SUGCT: variants seen among roughly 807,000 people sequenced by gnomAD.
SUGCT encodes the protein succinyl-CoA:glutarate CoA-transferase.
SUGCT carries 41 observed loss-of-function variants against 55.0 expected under a neutral mutation model. The observed-to-expected ratio is 0.74, with a 90% confidence interval of 0.58 to 0.97. The LOEUF (loss-of-function observed/expected upper bound fraction) is 0.97. Ranked by LOEUF, SUGCT falls within the 50% of genes least tolerant of loss-of-function variation. SUGCT has a pLI of 0.00. For missense variants in SUGCT, 568 were observed against 547.8 expected (o/e 1.04, Z -0.37); for synonymous variants, 187 against 200.4 (o/e 0.93, Z 0.56).
chr7:40,176,247 G>A (rs1784917948), intron 1 of SUGCT, among the ~76,000 whole-genome samples: 1 of 151,770 alleles, frequency 6.6e-6, no homozygotes, highest in Non-Finnish European at 1.5e-5. Context: ...AAAATTTAGT[G>A]AGTAGTCAAA....
At chr7:40,831,319 T>C (rs1264796660) in intron 13 of SUGCT, among the ~76,000 whole-genome samples, 1 of 152,178 alleles carries the variant, frequency 6.6e-6, no homozygotes, top group Non-Finnish European at 1.5e-5. Flanking sequence ...CACTTTCACC[T>C]TCTCCTCATT....
intron 9 of SUGCT, among the ~76,000 whole-genome samples, chr7:40,340,530 A>T (rs1315283328): frequency 6.6e-6 from 1 of 152,228 alleles, no homozygotes; most frequent in Non-Finnish European, 1.5e-5. Flanking sequence ...ATAGAAGGGC[A>T]GGGGAATACG....
chr7:40,753,693 T>G (rs1788125465), intron 13 of SUGCT, among the ~76,000 whole-genome samples: 1 of 152,208 alleles, frequency 6.6e-6, no homozygotes, highest in Non-Finnish European at 1.5e-5. Context: ...GTGATATTTA[T>G]AGAGCCTTCT....
At chr7:40,774,028 A>G (rs1051723036) in intron 13 of SUGCT, among the ~76,000 whole-genome samples, 1 of 152,224 alleles carries the variant, frequency 6.6e-6, no homozygotes, top group Admixed American at 6.5e-5. Context: ...TTATGAGGGC[A>G]AATACACTAC....
At chr7:40,443,959 G>A (rs1788664206) in intron 9 of SUGCT, among the ~76,000 whole-genome samples, 1 of 152,118 alleles carries the variant, frequency 6.6e-6, no homozygotes, top group Admixed American at 6.5e-5. Flanking sequence ...AGTTTTCCCA[G>A]CACCATTTAT....
At chr7:40,208,694 A>G (rs990832359) in intron 6 of SUGCT, among the ~76,000 whole-genome samples, 2 of 151,674 alleles carry the variant, frequency 1.3e-5, no homozygotes, top group African/African-American at 2.4e-5. Flanking sequence ...ACAGGTGCAC[A>G]CCGCCATGTC....
chr7:40,284,483 CT>C (rs1362826508), intron 8 of SUGCT, among the ~76,000 whole-genome samples: 1 of 151,786 alleles, frequency 6.6e-6, no homozygotes, highest in Non-Finnish European at 1.5e-5. Context: ...TGGCGGGCAC[CT>C]GTAATCCCAG....
chr7:40,340,539 C>T (rs750727031), intron 9 of SUGCT, among the ~76,000 whole-genome samples: 8 of 151,526 alleles, frequency 5.3e-5, no homozygotes, highest in African/African-American at 1.7e-4. Context: ...CAGGGGAATA[C>T]GTCATATCAA....
chr7:40,854,472 CTT>C (rs1375027004), intron 13 of SUGCT, among the ~76,000 whole-genome samples: 89 of 133,188 alleles, frequency 6.7e-4, no homozygotes, highest in African/African-American at 2.4e-3. Context: ...TTCTTTCTTT[CTT>C]TCTCTTTCTC....
intron 9 of SUGCT, among the ~76,000 whole-genome samples, chr7:40,404,148 G>A (rs181534106): frequency 1.0e-3 from 152 of 152,266 alleles, no homozygotes; most frequent in Non-Finnish European, 1.6e-3. Flanking sequence ...GCAGGAAAAG[G>A]GCCTCTGCCA....
At chr7:40,663,377 T>G (rs574713594) in intron 12 of SUGCT, among the ~76,000 whole-genome samples, 1 of 152,214 alleles carries the variant, frequency 6.6e-6, no homozygotes, top group East Asian at 1.9e-4. Context: ...AGAAAAGTAT[T>G]TCTGACATTT....
chr7:40,477,579 T>G lies in SUGCT; in HGVS notation c.986+18381T>G, dbSNP rs368962264. ...CTCTTTTCTGTATACCATTTTCATG[T>G]TGGTGTATTATGTACAGTAAGAAAA... On this transcript the variant is annotated intron_variant, in intron 11 of 13. Transcript: ENST00000335693. Among the ~76,000 whole-genome samples the G allele has an allele frequency of 3.3e-5, 5 of 152,322 alleles. No homozygotes were observed. In the East Asian group the frequency reaches 7.7e-4, roughly 23 times the overall value.
chr7:40,947,499 TC>T, the SUGCT span, among the ~76,000 whole-genome samples: 1 of 125,170 alleles, frequency 8.0e-6, no homozygotes, highest in South Asian at 2.8e-4. Flanking sequence ...ATACTTTCTC[TC>T]TTTTTTTTTT....
chr7:40,195,696 T>A (rs1430966944), intron 6 of SUGCT, among the ~76,000 whole-genome samples: 1 of 149,812 alleles, frequency 6.7e-6, no homozygotes, highest in African/African-American at 2.4e-5. Context: ...GAATTTACAG[T>A]TGAAAACAAT....
chr7:40,600,772 A>G (rs1798255064), intron 12 of SUGCT, among the ~76,000 whole-genome samples: 1 of 151,846 alleles, frequency 6.6e-6, no homozygotes, highest in East Asian at 1.9e-4. Flanking sequence ...CAAATGAATA[A>G]GCATTCATTT....
intron 13 of SUGCT, among the ~76,000 whole-genome samples, chr7:40,807,547 G>T (rs1392422744): frequency 6.6e-6 from 1 of 152,148 alleles, no homozygotes; most frequent in Non-Finnish European, 1.5e-5. Flanking sequence ...AAAGGATGAT[G>T]GCCCTTGACA....
chr7:40,755,796 C>T (rs1286946631), intron 13 of SUGCT, among the ~76,000 whole-genome samples: 2 of 152,162 alleles, frequency 1.3e-5, no homozygotes, highest in Non-Finnish European at 2.9e-5. Flanking sequence ...TGTGTCTGTG[C>T]TGTGAAGGGG....
chr7:40,803,921 G>A (rs1181693494), intron 13 of SUGCT, among the ~76,000 whole-genome samples: 2 of 152,152 alleles, frequency 1.3e-5, no homozygotes, highest in Admixed American at 6.5e-5. Context: ...TTTGGAAGAG[G>A]AGGAAACGAT....
At chr7:40,652,650 G>C (rs991533010) in intron 12 of SUGCT, among the ~76,000 whole-genome samples, 4 of 152,160 alleles carry the variant, frequency 2.6e-5, no homozygotes, top group African/African-American at 9.7e-5. Context: ...GTTTATTTTA[G>C]TATTTTTTCT....
Sources: allele counts gnomAD v4.1 joint callset (sites outside exome capture counted in the v4.1 genomes callset), GRCh38; gene constraint gnomAD v4.1.1; transcripts MANE v1.5; gene names NCBI Gene and HGNC (gene_info 2026-07-23, HGNC 2026-07-21).